Variants in SLC19A1 observed in about 807,000 individuals in gnomAD.
SLC19A1 encodes reduced folate transporter.
Under a neutral mutation model 35.3 loss-of-function variants are expected in SLC19A1, and 37 were observed. That is an observed-to-expected ratio of 1.05 (90% CI 0.81 to 1.38). The LOEUF (loss-of-function observed/expected upper bound fraction) is 1.38. Among genes scored for constraint, SLC19A1 ranks in the 40% most tolerant of loss-of-function variants. SLC19A1 has a pLI of 0.00. For synonymous variants in SLC19A1, 460 were observed against 398.5 expected (o/e 1.15, Z -1.84); for missense variants, 831 against 826.9 (o/e 1.00, Z -0.06).
At chr21:45,516,771 G>A (rs557288324) in intron 5 of SLC19A1, among the ~76,000 whole-genome samples, 1 of 152,324 alleles carries the variant, frequency 6.6e-6, no homozygotes, top group African/African-American at 2.4e-5. Context: ...GAGGTGCAGA[G>A]GGTTCAGGAG....
upstream of SLC19A1, among the ~76,000 whole-genome samples, chr21:45,545,378 C>A (rs552791429): frequency 9.9e-5 from 15 of 151,858 alleles, no homozygotes; most frequent in African/African-American, 3.4e-4. Context: ...CGGGACCCCC[C>A]CCTTGCCCTC....
At chr21:45,522,015 G>C (rs1237614909) in intron 5 of SLC19A1, among the ~76,000 whole-genome samples, 1 of 151,752 alleles carries the variant, frequency 6.6e-6, no homozygotes, top group Admixed American at 6.6e-5. Flanking sequence ...TTCTGTAAAA[G>C]ACCACATTAA....
At chr21:45,510,073 G>A (rs1322170264), downstream of SLC19A1, 2 of 1,572,812 alleles carry the variant, frequency 1.3e-6, no homozygotes, top group African/African-American at 1.3e-5. Context: ...GCTCCACCTG[G>A]TTGCGCTCAA....
At chr21:45,510,131 A>T (rs774434788), downstream of SLC19A1, 1 of 1,600,692 alleles carries the variant, frequency 6.2e-7, no homozygotes, top group South Asian at 1.1e-5. Context: ...GCCGACTTCC[A>T]GTGCTTCCAG....
intron 1 of SLC19A1, among the ~76,000 whole-genome samples, chr21:45,538,416 A>AC (rs1027879556): frequency 6.6e-6 from 1 of 152,178 alleles, no homozygotes; most frequent in African/African-American, 2.4e-5. Flanking sequence ...ACCTCACCCC[A>AC]CAGGCCTGAG....
At chr21:45,524,834 G>C (rs1181604115) in intron 5 of SLC19A1, among the ~76,000 whole-genome samples, 3 of 150,588 alleles carry the variant, frequency 2.0e-5, no homozygotes, top group Non-Finnish European at 4.4e-5. Context: ...TTCACACCTG[G>C]GCCTCGGAGG....
downstream of SLC19A1, among the ~76,000 whole-genome samples, chr21:45,509,186 C>T (rs1295956251): frequency 1.3e-5 from 2 of 152,056 alleles, no homozygotes; most frequent in Admixed American, 6.5e-5. Flanking sequence ...CAGGACTCCC[C>T]ACCCTTGCTG....
intron 3 of SLC19A1, among the ~76,000 whole-genome samples, chr21:45,503,397 T>C (rs1363685929): frequency 1.3e-5 from 2 of 152,122 alleles, no homozygotes; most frequent in African/African-American, 4.8e-5. Flanking sequence ...TCATGTCCTT[T>C]GCCCACTTTT....
At position 45,534,773 on chromosome 21, in the gene SLC19A1, C is replaced by G. The variant is rs747450130; in HGVS notation, c.190-2625G>C. The G allele has an allele frequency of 1.7e-6, 1 of 602,140 alleles. No individual in the cohort carries two copies. The highest frequency in any genetic ancestry group is 3.0e-5 in the Admixed American group (1 of 33,438). The allele number at this position is 602,140 out of a possible 1,614,324, so 37.3% of individuals were successfully genotyped here. ...AGGCTCTGCCCAGAGCTGTGACCTG[C>G]GTCCCACTTACAAGGCTGCTGGGGG... On this transcript the variant is annotated intron_variant, in intron 2 of 5. Transcript: ENST00000311124. This position sits in a 1 kb window ranked among gnomAD's most constrained non-coding sequence, Gnocchi z 4.2.
intron 3 of SLC19A1, chr21:45,507,285 G>A (rs2037269072): frequency 3.7e-6 from 2 of 537,956 alleles, no homozygotes; most frequent in Admixed American, 6.0e-5. Flanking sequence ...TGGACTGGGA[G>A]GGCCGGGTGC....
chr21:45,562,918 C>CTGCTGAATTTACAGCAGATTCCACGGACT (rs1478274518), exon 1 of SLC19A1, among the ~76,000 whole-genome samples: 2 of 152,204 alleles, frequency 1.3e-5, no homozygotes, highest in Non-Finnish European at 2.9e-5. Context: ...TTCCAACAGT[C>CTGCTGAATTTACAGCAGATTCCACGGACT]CGTGGAAGAT....
downstream of SLC19A1, chr21:45,509,400 C>A (rs770031049): frequency 6.5e-7 from 1 of 1,542,760 alleles, no homozygotes; most frequent in Admixed American, 1.9e-5. Context: ...TGCAGCTGCA[C>A]GACAGCAACC....
upstream of SLC19A1, among the ~76,000 whole-genome samples, chr21:45,549,287 G>A (rs937125525): frequency 1.3e-5 from 2 of 152,128 alleles, no homozygotes; most frequent in African/African-American, 4.8e-5. Flanking sequence ...GGGGAGGGAG[G>A]CTCCGTCCTG....
chr21:45,505,934 G>C, intron 3 of SLC19A1: 2 of 1,613,204 alleles, frequency 1.2e-6, no homozygotes, highest in South Asian at 1.1e-5. Flanking sequence ...GGAGCTCTAC[G>C]TCCGCGTGCA....
chr21:45,547,453 G>A (rs976999418), upstream of SLC19A1, among the ~76,000 whole-genome samples: 27 of 152,254 alleles, frequency 1.8e-4, 1 homozygote, highest in Admixed American at 2.6e-4. Flanking sequence ...AACTTTCAAC[G>A]TCAACACAGA....
chr21:45,510,426 C>T (rs966786292), downstream of SLC19A1, among the ~76,000 whole-genome samples: 2 of 152,184 alleles, frequency 1.3e-5, no homozygotes, highest in Admixed American at 6.5e-5. Flanking sequence ...GGGTCACACC[C>T]CTCCAGGCTC....
At position 45,538,015 on chromosome 21, in the gene SLC19A1, G is replaced by A. The variant is rs569237556; in HGVS notation, c.-49-7C>T. 6.3e-5 allele frequency: 87 copies of A among 1,388,520 alleles called. No individual in the cohort carries two copies. The South Asian group carries it at 1.2e-3, about 19-fold the overall frequency. The allele number at this position is 1,388,520 out of a possible 1,614,324, so 86.0% of individuals were successfully genotyped here. A position where few individuals can be genotyped will look rare whatever the true frequency, so the allele number is the denominator to read the frequency against. Reference sequence around the variant, plus strand: ...GACGAAGGTGACGCTGTGCCTGGAAGGAGGGGTGGAGTCAGGGCACCTTGG... The same window carrying A: ...GACGAAGGTGACGCTGTGCCTGGAAAGAGGGGTGGAGTCAGGGCACCTTGG... On this transcript the variant is annotated splice_region_variant and splice_polypyrimidine_tract_variant and intron_variant, in intron 1 of 5. Transcript: ENST00000311124.
chr21:45,548,307 C>G (rs1359814636), upstream of SLC19A1, among the ~76,000 whole-genome samples: 2 of 152,254 alleles, frequency 1.3e-5, no homozygotes, highest in African/African-American at 4.8e-5. Flanking sequence ...ACTTGTAGAT[C>G]TGTGTCCAGT....
chr21:45,508,697 C>T (rs1358431633), downstream of SLC19A1, among the ~76,000 whole-genome samples: 1 of 152,172 alleles, frequency 6.6e-6, no homozygotes, highest in Non-Finnish European at 1.5e-5. Flanking sequence ...GGGTTCAGCC[C>T]AGTCTGCTCT....
Sources: allele counts gnomAD v4.1 joint callset (sites outside exome capture counted in the v4.1 genomes callset), GRCh38; gene constraint gnomAD v4.1.1; non-coding constraint Gnocchi (gnomAD v3.1); transcripts MANE v1.5; gene names NCBI Gene and HGNC (gene_info 2026-07-23, HGNC 2026-07-21).